PCM1: variants seen among roughly 807,000 people sequenced by gnomAD.
PCM1 encodes the protein pericentriolar material 1 protein.
PCM1 carries 157 observed loss-of-function variants against 241.9 expected under a neutral mutation model. The observed-to-expected ratio is 0.65, with a 90% CI of 0.57 to 0.74. PCM1 has a LOEUF of 0.74. Among genes scored for constraint, PCM1 ranks in the 30% least tolerant of loss-of-function variants. The probability of loss-of-function intolerance (pLI) is 0.00; values close to 1 mark genes in which losing one functional copy is unlikely to be tolerated. For missense variants in PCM1, 3,478 were observed against 2,360.1 expected (o/e 1.47, Z -9.81); for synonymous variants, 1,085 against 784.9 (o/e 1.38, Z -6.39).
intron 23 of PCM1, among the ~76,000 whole-genome samples, chr8:17,978,988 G>T (rs1392700704): frequency 1.3e-5 from 2 of 152,068 alleles, no homozygotes; most frequent in Admixed American, 1.3e-4. Context: ...GGTATAAGAA[G>T]GCAGTTATGC....
At chr8:17,953,558 A>G (rs923508220) in intron 9 of PCM1, among the ~76,000 whole-genome samples, 1 of 152,186 alleles carries the variant, frequency 6.6e-6, no homozygotes, top group African/African-American at 2.4e-5. Context: ...TGATTTAAAA[A>G]CCCAAAACTG....
At chr8:18,001,904 A>C (rs903608236) in intron 29 of PCM1, among the ~76,000 whole-genome samples, 1 of 151,216 alleles carries the variant, frequency 6.6e-6, no homozygotes, top group African/African-American at 2.4e-5. Flanking sequence ...AGATTATTCC[A>C]TGTAAAAACA....
At position 18,008,262 on chromosome 8, in the gene PCM1, C is replaced by G. The variant is rs564330792; in HGVS notation, c.4963-1285C>G. 2.0e-5 allele frequency among the ~76,000 whole-genome samples: 3 copies of G among 152,118 alleles called. No individual in the cohort carries two copies. In the South Asian group the frequency reaches 6.2e-4, roughly 32 times the overall value. ...TTAGATTCTCATAGGAGTGTGAACCCTACTGTGAACTGCACGTGTGAGGGA... is the reference window on the plus strand; with the variant it reads ...TTAGATTCTCATAGGAGTGTGAACCGTACTGTGAACTGCACGTGTGAGGGA... On this transcript the variant is annotated intron_variant, in intron 30 of 38. Transcript: ENST00000325083.
intron 22 of PCM1, among the ~76,000 whole-genome samples, chr8:17,972,044 C>G (rs529159988): frequency 6.6e-5 from 10 of 152,294 alleles, no homozygotes; most frequent in African/African-American, 1.9e-4. Context: ...TGCAGCTAGC[C>G]TGATTTTTCT....
chr8:17,997,031 T>TGTC (rs1468885025), intron 29 of PCM1, among the ~76,000 whole-genome samples: 9 of 152,372 alleles, frequency 5.9e-5, no homozygotes, highest in Non-Finnish European at 1.5e-5. Flanking sequence ...TGCTCATTAA[T>TGTC]GTCTTCTTTT....
chr8:17,944,479 A>C (rs2063163040), intron 6 of PCM1, among the ~76,000 whole-genome samples: 1 of 152,182 alleles, frequency 6.6e-6, no homozygotes, highest in African/African-American at 2.4e-5. Flanking sequence ...AGGAAGATTG[A>C]GGGTTCTCTG....
intron 29 of PCM1, among the ~76,000 whole-genome samples, chr8:18,001,108 G>T (rs987479963): frequency 1.3e-5 from 2 of 152,196 alleles, no homozygotes; most frequent in Admixed American, 6.5e-5. Flanking sequence ...GTGGGACCAG[G>T]TGATTCAGCA....
intron 17 of PCM1, among the ~76,000 whole-genome samples, chr8:17,963,798 T>C (rs1400225746): frequency 6.6e-6 from 1 of 152,166 alleles, no homozygotes; most frequent in Admixed American, 6.5e-5. Flanking sequence ...AGCTATATAG[T>C]AGTAACCATA....
At chr8:17,958,102 T>C (rs1275953362) in intron 13 of PCM1, among the ~76,000 whole-genome samples, 1 of 152,200 alleles carries the variant, frequency 6.6e-6, no homozygotes, top group Non-Finnish European at 1.5e-5. Context: ...TATAGCTGTT[T>C]TTATTTACAA....
intron 13 of PCM1, among the ~76,000 whole-genome samples, chr8:17,958,704 C>A (rs937630472): frequency 6.8e-6 from 1 of 147,710 alleles, no homozygotes; most frequent in Non-Finnish European, 1.5e-5. Context: ...TCTCTCGGTT[C>A]AAAAAAAGTA....
chr8:17,958,041 C>T (rs1039784388), intron 13 of PCM1, among the ~76,000 whole-genome samples: 1 of 152,034 alleles, frequency 6.6e-6, no homozygotes, highest in Admixed American at 6.6e-5. Flanking sequence ...ATACATAATA[C>T]ATAAATGAGA....
intron 17 of PCM1, among the ~76,000 whole-genome samples, chr8:17,964,143 A>G (rs1380305495): frequency 1.3e-5 from 2 of 152,108 alleles, no homozygotes; most frequent in African/African-American, 4.8e-5. Context: ...TTAAAAATTT[A>G]TTTTCTCAGT....
intron 29 of PCM1, among the ~76,000 whole-genome samples, chr8:18,002,905 C>T (rs1006063569): frequency 1.3e-5 from 2 of 151,964 alleles, no homozygotes; most frequent in South Asian, 2.1e-4. Flanking sequence ...GTCCTTCGCC[C>T]ACTTTTTGAC....
chr8:17,946,221 A>G (rs796708895), intron 6 of PCM1, among the ~76,000 whole-genome samples: 9 of 152,294 alleles, frequency 5.9e-5, no homozygotes, highest in African/African-American at 2.2e-4. Flanking sequence ...TTTTCGGGGA[A>G]TTTGGAAGTA....
Position 17,939,736 on chromosome 8 carries a change from A to G in PCM1, c.658A>G (p.Ser220Gly). ...AATTCGCGATTATATTACTAAAGCT[A>G]GTTCCATGCGGGAAGATCTTGTAGA... ...VQIRDYITKA[S>G]SMREDLVEKN... The change falls in exon 6 of 39, where the codon AGT becomes GGT. Residue 220 changes from serine to glycine, a missense_variant. Ser to Gly is a moderately conservative substitution (Grantham distance 56, BLOSUM62 0). Coordinates refer to ENST00000325083, the MANE Select transcript of PCM1 (RefSeq NM_006197.4). The G allele has an allele frequency of 6.4e-7, 1 of 1,560,364 alleles. No individual in the cohort carries two copies. The highest frequency in any genetic ancestry group is 8.7e-7 in the Non-Finnish European group (1 of 1,149,756).
At chr8:17,953,662 T>C (rs1325148814) in intron 9 of PCM1, among the ~76,000 whole-genome samples, 1 of 152,224 alleles carries the variant, frequency 6.6e-6, no homozygotes, top group African/African-American at 2.4e-5. Context: ...TTCCAACTGC[T>C]GGATTTATAT....
At chr8:17,943,394 G>A (rs1413454932) in intron 6 of PCM1, among the ~76,000 whole-genome samples, 2 of 152,134 alleles carry the variant, frequency 1.3e-5, no homozygotes, top group African/African-American at 2.4e-5. Context: ...TTAAAAACTA[G>A]TGGCATTGGA....
At chr8:18,012,358 C>T (rs1033238898) in intron 34 of PCM1, among the ~76,000 whole-genome samples, 2 of 152,076 alleles carry the variant, frequency 1.3e-5, no homozygotes, top group Non-Finnish European at 2.9e-5. Context: ...TCAAACAACC[C>T]TTATTTGACT....
At position 17,960,061 on chromosome 8, in the gene PCM1, G is replaced by A. The variant is rs1469149362; in HGVS notation, c.2088G>A (p.Leu696=). The A allele has an allele frequency of 6.2e-7, 1 of 1,612,280 alleles. No individual in the cohort carries two copies. Among genetic ancestry groups the A allele is most frequent in the Non-Finnish European group, 8.5e-7 (1 of 1,179,100 alleles). ...TTATCTCTGCCAGTGCATCAAATTTGGATGATTTCTACCCAGCAGAAGAAG... is the reference window on the plus strand; with the variant it reads ...TTATCTCTGCCAGTGCATCAAATTTAGATGATTTCTACCCAGCAGAAGAAG... ...QGVISASASN[L]DDFYPAEEDT... Residue 696 remains leucine, a synonymous_variant, in exon 14 of 39, where the codon TTG becomes TTA. Coordinates refer to ENST00000325083, the MANE Select transcript of PCM1 (RefSeq NM_006197.4).
Sources: allele counts gnomAD v4.1 joint callset (sites outside exome capture counted in the v4.1 genomes callset), GRCh38; gene constraint gnomAD v4.1.1; transcripts MANE v1.5; gene names NCBI Gene and HGNC (gene_info 2026-07-23, HGNC 2026-07-21).